The following MYLK variants were observed in gnomAD, a reference collection of about 807,000 sequenced individuals.
MYLK encodes the protein myosin light chain kinase, also known as myosin light chain kinase, smooth muscle.
MYLK carries 106 observed loss-of-function variants against 203.4 expected under a neutral mutation model. That is an observed-to-expected ratio of 0.52 (90% CI 0.45 to 0.61). The LOEUF is 0.61. Ranked by LOEUF, MYLK falls within the 20% of genes least tolerant of loss-of-function variation. MYLK has a pLI of 0.00. For synonymous variants in MYLK, 867 were observed against 959.5 expected (o/e 0.90, Z 1.78); for missense variants, 2,072 against 2,442.3 (o/e 0.85, Z 3.20).
intron 4 of MYLK, 50 bp downstream of exon 4, chr3:123,793,627 G>A: frequency 6.2e-7 from 1 of 1,602,616 alleles, no homozygotes; most frequent in Non-Finnish European, 8.5e-7. Context: ...AGGAGCAGCG[G>A]CCCCTGCCCA....
intron 2 of MYLK, among the ~76,000 whole-genome samples, chr3:123,855,693 A>G (rs573022497): frequency 3.6e-4 from 55 of 152,286 alleles, no homozygotes; most frequent in African/African-American, 1.3e-3. Context: ...AAATTTTTAA[A>G]AAGGAGAAGG....
intron 14 of MYLK, chr3:123,709,328 A>C (rs959848890): frequency 4.0e-6 from 1 of 248,628 alleles, no homozygotes; most frequent in East Asian, 1.0e-4. Context: ...TTTTTAGTAG[A>C]GACAGGGTTT....
At chr3:123,766,964 T>A (rs1402629022) in intron 4 of MYLK, among the ~76,000 whole-genome samples, 4 of 152,072 alleles carry the variant, frequency 2.6e-5, no homozygotes, top group South Asian at 4.2e-4. Flanking sequence ...GGGGTCAGAG[T>A]CCTGGTTCAA....
In MYLK at chr3:123,752,533, C is replaced by T; in HGVS notation, c.171G>A (p.Arg57=). The change falls in exon 5 of 34, where the codon CGG becomes CGA. Residue 57 remains arginine, a synonymous_variant. Coordinates refer to ENST00000360304, the MANE Select transcript of MYLK (RefSeq NM_053025.4). ...GATAKFEGRV[R]GYPEPQVTWH... ...ATGTCACCTGGGGCTCTGGGTAACC[C>T]CGGACCTTCAAGAAAAAGAAGAAAG... The T allele has an allele frequency of 6.2e-7, 1 of 1,612,950 alleles. No homozygotes were observed. The highest frequency in any genetic ancestry group is 8.5e-7 in the Non-Finnish European group (1 of 1,179,758).
chr3:123,683,228 C>T (rs957550576), intron 19 of MYLK, among the ~76,000 whole-genome samples: 28 of 151,780 alleles, frequency 1.8e-4, no homozygotes, highest in Admixed American at 1.8e-3. Flanking sequence ...AGAGAGTCTC[C>T]CCCTTGAAGC....
chr3:123,637,189 T>C lies in MYLK; in HGVS notation c.4961+882A>G, dbSNP rs1348337258. On this transcript the variant is annotated intron_variant, in intron 29 of 33. Coordinates refer to ENST00000360304, the MANE Select transcript of MYLK (RefSeq NM_053025.4). ...ATCTTTGGGGACACCATCCCATAACTGCATGTGGCCACACAGGTTCAGGGG... is the reference window on the plus strand; with the variant it reads ...ATCTTTGGGGACACCATCCCATAACCGCATGTGGCCACACAGGTTCAGGGG... 2.6e-5 allele frequency among the ~76,000 whole-genome samples: 4 copies of C among 152,206 alleles called. No individual in the cohort carries two copies. The East Asian group carries it at 5.8e-4, about 22-fold the overall frequency.
intron 5 of MYLK, among the ~76,000 whole-genome samples, chr3:123,743,804 C>T (rs1259298735): frequency 6.6e-6 from 1 of 152,128 alleles, no homozygotes. Context: ...TCAGAACATA[C>T]TGCTCAAAAA....
Position 123,862,168 on chromosome 3 carries a change from TG to T in MYLK, c.-127+14390del, listed in dbSNP as rs2031984560. On this transcript the variant is annotated intron_variant, in intron 2 of 33. Coordinates refer to ENST00000360304, the MANE Select transcript of MYLK (RefSeq NM_053025.4). ...AGTATTTAGAGACCAGCTCAGCTCATGGTCCTAGCTTCTTACTGTAACTTCA... is the reference window on the plus strand; with the variant it reads ...AGTATTTAGAGACCAGCTCAGCTCATGTCCTAGCTTCTTACTGTAACTTCA... 2.0e-5 allele frequency among the ~76,000 whole-genome samples: 3 copies of T among 152,246 alleles called. No individual in the cohort carries two copies. The South Asian group carries it at 6.2e-4, about 31-fold the overall frequency.
rs542212363 is a variant in MYLK, at chr3:123,700,522, G to A, written c.2946C>T (p.Arg982=). The A allele has an allele frequency of 1.2e-5, 19 of 1,613,468 alleles. No homozygotes were observed. The highest frequency in any genetic ancestry group is 3.3e-5 in the Admixed American group (2 of 60,002). The change falls in exon 18 of 34, where the codon CGC becomes CGT. Residue 982 remains arginine (R), a synonymous_variant. Coordinates refer to ENST00000360304, the MANE Select transcript of MYLK (RefSeq NM_053025.4). The stretch of plus-strand genomic sequence containing the variant: ...ATTTCTTCTTGCCACCCAGCACTGA[G>A]CGAAAATCCGGGGTGGCAGGTTTTG... The part of the protein sequence containing the change: ...PPPKPATPDF[R]SVLGGKKKLP...
intron 23 of MYLK, among the ~76,000 whole-genome samples, chr3:123,662,360 T>A (rs909137499): frequency 1.3e-5 from 2 of 152,102 alleles, no homozygotes; most frequent in African/African-American, 4.8e-5. Flanking sequence ...GTCCTGTCCA[T>A]CCTAGTCCTA....
chr3:123,848,835 C>T (rs1343740082), intron 2 of MYLK, among the ~76,000 whole-genome samples: 3 of 152,130 alleles, frequency 2.0e-5, no homozygotes, highest in Non-Finnish European at 4.4e-5. Flanking sequence ...TCCATATTTG[C>T]CTTGGACTAC....
rs1196655036 is a variant in MYLK, at chr3:123,778,488, G to A, written c.165+15189C>T. 2.1e-5 allele frequency among the ~76,000 whole-genome samples: 3 copies of A among 145,206 alleles called. No homozygotes were observed. In the Admixed American group the frequency reaches 2.1e-4, roughly 10 times the overall value. ...AGATTGCGCCACTGTACCCCAGCCTGGGCAACAGAGTGAGACTCTGCCTCA... is the reference window on the plus strand; with the variant it reads ...AGATTGCGCCACTGTACCCCAGCCTAGGCAACAGAGTGAGACTCTGCCTCA... On this transcript the variant is annotated intron_variant, in intron 4 of 33. Coordinates refer to ENST00000360304, the MANE Select transcript of MYLK (RefSeq NM_053025.4).
chr3:123,853,888 C>T (rs2031099217), intron 2 of MYLK, among the ~76,000 whole-genome samples: 1 of 152,098 alleles, frequency 6.6e-6, no homozygotes, highest in Admixed American at 6.6e-5. Flanking sequence ...CCCATTGAAT[C>T]CAGGCTTGGC....
At position 123,819,091 on chromosome 3, in the gene MYLK, G is replaced by A. The variant is rs577730149; in HGVS notation, c.-4+12457C>T. 5.1e-4 allele frequency among the ~76,000 whole-genome samples: 78 copies of A among 152,320 alleles called. 1 individual carries two copies. The highest frequency in any genetic ancestry group is 2.5e-3 in the Admixed American group (39 of 15,310). ...TCAGTGCTTGGTGCATGACAAGGAT[G>A]AAATAAACATTAGCTTCCTTTCCTT... On this transcript the variant is annotated intron_variant, in intron 3 of 33. Transcript: ENST00000360304.
intron 16 of MYLK, among the ~76,000 whole-genome samples, chr3:123,702,293 G>T (rs2061270340): frequency 6.6e-6 from 1 of 152,178 alleles, no homozygotes; most frequent in African/African-American, 2.4e-5. Flanking sequence ...AGACAAGAAG[G>T]TTCTGCTCAG....
At chr3:123,840,655 C>CA (rs1455089643) in intron 2 of MYLK, among the ~76,000 whole-genome samples, 3 of 151,732 alleles carry the variant, frequency 2.0e-5, no homozygotes, top group Non-Finnish European at 4.4e-5. Flanking sequence ...CAAAAATCCT[C>CA]AACAAAATAA....
chr3:123,642,114 A>C lies in MYLK; in HGVS notation c.4620-1610T>G, dbSNP rs896698404. Among the ~76,000 whole-genome samples the C allele has an allele frequency of 2.0e-5, 3 of 152,124 alleles. No homozygotes were observed. The highest frequency in any genetic ancestry group is 4.4e-5 in the Non-Finnish European group (3 of 68,022). On this transcript the variant is annotated intron_variant, in intron 27 of 33. Transcript: ENST00000360304. The surrounding 1 kb of genome is among the most constrained non-coding windows in gnomAD (Gnocchi z 4.2). ...TGGCCTGTAGGTCCACCAGTTGAAC[A>C]AGGCCGGGTGGGTTCTGGGCCTGTC...
At chr3:123,813,309 G>A (rs1456831265) in intron 3 of MYLK, among the ~76,000 whole-genome samples, 2 of 152,176 alleles carry the variant, frequency 1.3e-5, no homozygotes, top group Admixed American at 6.5e-5. Context: ...GGATGGGGGA[G>A]GAAGACTGCA....
At chr3:123,787,692 C>T (rs898382712) in intron 4 of MYLK, among the ~76,000 whole-genome samples, 5 of 152,152 alleles carry the variant, frequency 3.3e-5, no homozygotes, top group African/African-American at 1.2e-4. Flanking sequence ...TTGGAGCCCC[C>T]AGGTTCTTAC....
Sources: gnomAD v4.1 joint callset for allele counts (sites outside exome capture counted in the v4.1 genomes callset) on GRCh38, gnomAD v4.1.1 for gene constraint, Gnocchi (gnomAD v3.1) non-coding constraint, MANE v1.5 for transcripts, NCBI Gene and HGNC (gene_info 2026-07-23, HGNC 2026-07-21) for gene names.